The following ATG7 variants were observed in gnomAD, a reference collection of about 807,000 sequenced individuals.
ATG7 encodes the protein ubiquitin-like modifier-activating enzyme ATG7.
ATG7 carries 70 observed loss-of-function variants against 82.4 expected under a neutral mutation model. That is an observed-to-expected ratio of 0.85 (90% CI 0.70 to 1.04). ATG7 has a LOEUF of 1.04. Among genes scored for constraint, ATG7 ranks in the 50% least tolerant of loss-of-function variants. The probability of loss-of-function intolerance (pLI) is 0.00; values close to 1 mark genes in which losing one functional copy is unlikely to be tolerated. For synonymous variants in ATG7, 287 were observed against 313.0 expected (o/e 0.92, Z 0.88); for missense variants, 792 against 864.3 (o/e 0.92, Z 1.05).
chr3:11,310,524 A>G (rs1206452535), intron 7 of ATG7, among the ~76,000 whole-genome samples: 2 of 152,178 alleles, frequency 1.3e-5, no homozygotes, highest in Admixed American at 1.3e-4. Flanking sequence ...ACAAGTTATA[A>G]TGCTTTCTAT....
At chr3:11,540,566 A>G (rs2070729641) in intron 20 of ATG7, among the ~76,000 whole-genome samples, 2 of 152,082 alleles carry the variant, frequency 1.3e-5, no homozygotes, top group African/African-American at 4.8e-5. Flanking sequence ...CCTTGAGACC[A>G]AGAGGTGAAG....
chr3:11,569,224 C>T, the ATG7 span, among the ~76,000 whole-genome samples: 2 of 152,210 alleles, frequency 1.3e-5, no homozygotes, highest in Non-Finnish European at 2.9e-5. Flanking sequence ...CATCACCTGA[C>T]GTTCTGAGCC....
chr3:11,431,336 G>A (rs1001228892), intron 20 of ATG7, among the ~76,000 whole-genome samples: 7 of 152,252 alleles, frequency 4.6e-5, no homozygotes, highest in African/African-American at 1.7e-4. Flanking sequence ...GGGAGGTGGA[G>A]GCTGCAGTGA....
At chr3:11,356,398 G>A (rs1299603842) in intron 14 of ATG7, among the ~76,000 whole-genome samples, 1 of 152,074 alleles carries the variant, frequency 6.6e-6, no homozygotes, top group Non-Finnish European at 1.5e-5. Context: ...AAATGGTCTG[G>A]GGAAAAGCCT....
intron 19 of ATG7, among the ~76,000 whole-genome samples, chr3:11,411,322 C>G (rs1057485775): frequency 7.2e-5 from 11 of 152,026 alleles, no homozygotes; most frequent in African/African-American, 2.7e-4. Context: ...CCTGTATGTT[C>G]TGTATATTAA....
At chr3:11,501,571 A>G (rs557610446) in intron 20 of ATG7, among the ~76,000 whole-genome samples, 2 of 76,788 alleles carry the variant, frequency 2.6e-5, no homozygotes, top group East Asian at 1.1e-3. Context: ...TAATGTTATT[A>G]TGGTTGTATA....
the ATG7 span, among the ~76,000 whole-genome samples, chr3:11,567,164 G>C: frequency 2.0e-5 from 3 of 152,116 alleles, no homozygotes; most frequent in Non-Finnish European, 4.4e-5. Flanking sequence ...TTAGTGACCC[G>C]AGGCGTTCCG....
chr3:11,472,798 C>T lies in ATG7; in HGVS notation c.2079+45872C>T, dbSNP rs976428595. Among the ~76,000 whole-genome samples the T allele has an allele frequency of 8.5e-5, 13 of 152,140 alleles. 1 individual carries two copies. The highest frequency in any genetic ancestry group is 1.3e-4 in the Admixed American group (2 of 15,274). ...CCAGCCTTTGTGATTGGTCTGATAG[C>T]TCCAGTGTTTGTGCTGGAGACTTGG... is the stretch of plus-strand genomic sequence containing the variant. On this transcript the variant is annotated intron_variant, in intron 20 of 20. Transcript: ENST00000693202.
intron 9 of ATG7, among the ~76,000 whole-genome samples, chr3:11,329,970 T>G (rs542094809): frequency 6.6e-6 from 1 of 152,328 alleles, no homozygotes; most frequent in South Asian, 2.1e-4. Flanking sequence ...TTGATTTTTT[T>G]TGATGACCTT....
At chr3:11,317,827 G>A (rs1290363849) in intron 9 of ATG7, among the ~76,000 whole-genome samples, 1 of 152,012 alleles carries the variant, frequency 6.6e-6, no homozygotes, top group East Asian at 1.9e-4. Flanking sequence ...TCCTGACCTC[G>A]TGATCCTCCC....
chr3:11,431,684 T>C (rs1396416918), intron 20 of ATG7, among the ~76,000 whole-genome samples: 2 of 152,196 alleles, frequency 1.3e-5, no homozygotes, highest in African/African-American at 4.8e-5. Context: ...GTTTTTAAGG[T>C]TTATTCATGT....
chr3:11,496,977 G>A (rs199989952), intron 20 of ATG7, among the ~76,000 whole-genome samples: 5 of 151,610 alleles, frequency 3.3e-5, no homozygotes, highest in Non-Finnish European at 7.4e-5. Flanking sequence ...TCAGCCTCCT[G>A]AGGAGCTGGG....
intron 18 of ATG7, among the ~76,000 whole-genome samples, chr3:11,366,176 G>A (rs1041361194): frequency 7.0e-6 from 1 of 143,568 alleles, no homozygotes; most frequent in African/African-American, 2.7e-5. Context: ...CTAAGATCGC[G>A]CCATTGCACT....
intron 20 of ATG7, among the ~76,000 whole-genome samples, chr3:11,529,948 G>T (rs2092662678): frequency 6.6e-6 from 1 of 152,182 alleles, no homozygotes; most frequent in Non-Finnish European, 1.5e-5. Context: ...TCTTGCCCAG[G>T]AGACAGGAGG....
At chr3:11,546,838 T>C (rs1274391563) in intron 20 of ATG7, among the ~76,000 whole-genome samples, 1 of 152,174 alleles carries the variant, frequency 6.6e-6, no homozygotes, top group Non-Finnish European at 1.5e-5. Flanking sequence ...TGGGGAGCGC[T>C]GAGGTGCTCA....
intron 5 of ATG7, 106 bp from the exon 6 acceptor site, chr3:11,306,837 C>A (rs1171314605): frequency 1.3e-6 from 1 of 778,976 alleles, no homozygotes; most frequent in South Asian, 1.6e-5. Context: ...CTTCTGTTTG[C>A]CCTGCAGAGC....
At chr3:11,406,955 C>T (rs556983156) in intron 19 of ATG7, among the ~76,000 whole-genome samples, 7 of 152,252 alleles carry the variant, frequency 4.6e-5, no homozygotes, top group East Asian at 3.9e-4. Flanking sequence ...TCTCAAATTT[C>T]GTATCTTCAC....
Position 11,279,817 on chromosome 3 carries a change from G to A in ATG7, c.-365-1177G>A, listed in dbSNP as rs139955127. 4.8e-3 allele frequency among the ~76,000 whole-genome samples: 728 copies of A among 152,174 alleles called. 6 individuals carry two copies. The highest frequency in any genetic ancestry group is 0.017 in the African/African-American group (698 of 41,498). On this transcript the variant is annotated intron_variant, in intron 1 of 20. Transcript: ENST00000693202. The stretch of plus-strand genomic sequence containing the variant: ...GATATCCCTCCTCCTATAACATTCT[G>A]TACAAACGCCAGGCTATACTGTATT...
chr3:11,383,895 A>G (rs1408080075), intron 19 of ATG7, among the ~76,000 whole-genome samples: 1 of 152,198 alleles, frequency 6.6e-6, no homozygotes, highest in Non-Finnish European at 1.5e-5. Flanking sequence ...GGTAAAATTT[A>G]TATATGGTGA....
Sources: gnomAD v4.1 joint callset for allele counts (sites outside exome capture counted in the v4.1 genomes callset) on GRCh38, gnomAD v4.1.1 for gene constraint, MANE v1.5 for transcripts, NCBI Gene and HGNC (gene_info 2026-07-23, HGNC 2026-07-21) for gene names.